The following THRB variants were observed in gnomAD, a reference collection of about 807,000 sequenced individuals.
The protein encoded by THRB is nuclear receptor subfamily 1 group A member 2.
THRB carries 12 observed loss-of-function variants against 47.8 expected under a neutral mutation model. The observed-to-expected ratio is 0.25, with a 90% CI of 0.16 to 0.41. THRB has a LOEUF of 0.41. Among genes scored for constraint, THRB ranks in the 10% least tolerant of loss-of-function variants. The probability of loss-of-function intolerance (pLI) is 1.00; values close to 1 mark genes in which losing one functional copy is unlikely to be tolerated. For missense variants in THRB, 348 were observed against 589.2 expected (o/e 0.59, Z 4.24); for synonymous variants, 218 against 212.2 (o/e 1.03, Z -0.24).
At chr3:24,357,490 T>C (rs1327984828) in intron 1 of THRB, among the ~76,000 whole-genome samples, 1 of 150,816 alleles carries the variant, frequency 6.6e-6, no homozygotes, top group African/African-American at 2.4e-5. Flanking sequence ...GAAAAATGAG[T>C]CTCCATAGAG....
intron 1 of THRB, among the ~76,000 whole-genome samples, chr3:24,375,458 CAT>C (rs1210361962): frequency 1.2e-4 from 17 of 140,230 alleles, no homozygotes; most frequent in East Asian, 2.0e-4. Flanking sequence ...TATAGTTAGA[CAT>C]ATAATATTAA....
At chr3:24,416,388 G>A (rs557752405) in intron 1 of THRB, among the ~76,000 whole-genome samples, 4 of 151,948 alleles carry the variant, frequency 2.6e-5, no homozygotes, top group African/African-American at 9.6e-5. Flanking sequence ...AGGGCTCCAA[G>A]TGACTCCTAA....
At chr3:24,393,149 C>T (rs2066704136) in intron 1 of THRB, among the ~76,000 whole-genome samples, 1 of 152,068 alleles carries the variant, frequency 6.6e-6, no homozygotes. Flanking sequence ...ATACATTGTC[C>T]TTGGAAGGAA....
At chr3:24,249,527 T>C (rs1298223386) in intron 3 of THRB, among the ~76,000 whole-genome samples, 1 of 152,194 alleles carries the variant, frequency 6.6e-6, no homozygotes, top group African/African-American at 2.4e-5. Context: ...TGGATCACTC[T>C]GGCAAGGGCT....
At chr3:24,259,837 A>G (rs1018597720) in intron 3 of THRB, among the ~76,000 whole-genome samples, 2 of 152,064 alleles carry the variant, frequency 1.3e-5, no homozygotes, top group Non-Finnish European at 2.9e-5. Context: ...GTTTTCATCT[A>G]TACAAATAGA....
At chr3:24,284,587 T>G (rs1313513960) in intron 3 of THRB, among the ~76,000 whole-genome samples, 1 of 150,670 alleles carries the variant, frequency 6.6e-6, no homozygotes, top group Non-Finnish European at 1.5e-5. Flanking sequence ...AAATGGGATC[T>G]AATTAAACTA....
intron 1 of THRB, among the ~76,000 whole-genome samples, chr3:24,373,721 T>C (rs755915887): frequency 1.3e-5 from 2 of 152,154 alleles, no homozygotes; most frequent in South Asian, 2.1e-4. Flanking sequence ...TCCGTACTTC[T>C]ATACTTGAGT....
rs115755464 is a variant in THRB at position 24,351,843 on chromosome 3, T to C, written c.-260-14472A>G. 8.0e-3 allele frequency among the ~76,000 whole-genome samples: 1,225 copies of C among 152,290 alleles called. 18 individuals are homozygous for C. Among genetic ancestry groups the C allele is most frequent in the African/African-American group, 0.028 (1,163 of 41,574 alleles). On this transcript the variant is annotated intron_variant, in intron 1 of 10. Coordinates refer to ENST00000646209, the MANE Select transcript of THRB (RefSeq NM_001354712.2). ...AGAGCAGATGGTGACCGGGACTAAG[T>C]GCCTGGAGCTCACCTCTAACCTTAC...
At position 24,283,355 on chromosome 3, in the gene THRB, C is replaced by A. The variant is rs2054846467; in HGVS notation, c.-43+13871G>T. Among the ~76,000 whole-genome samples the A allele has an allele frequency of 1.3e-5, 2 of 152,022 alleles. 1 individual carries two copies. Among genetic ancestry groups the A allele is most frequent in the South Asian group, 4.1e-4 (2 of 4,826 alleles). On this transcript the variant is annotated intron_variant, in intron 3 of 10. Coordinates refer to ENST00000646209, the MANE Select transcript of THRB (RefSeq NM_001354712.2). ...AACCACGTGATTATCTCAATAGATG[C>A]AGAAAAGGCCTTTGACAAAATTCAA...
chr3:24,314,828 G>C (rs1430644054), intron 2 of THRB, among the ~76,000 whole-genome samples: 2 of 152,142 alleles, frequency 1.3e-5, no homozygotes, highest in African/African-American at 4.8e-5. Context: ...TCTCTCAAAG[G>C]ATGGCACTAG....
intron 3 of THRB, among the ~76,000 whole-genome samples, chr3:24,265,154 G>T (rs2052520919): frequency 1.3e-5 from 2 of 152,128 alleles, no homozygotes; most frequent in Admixed American, 6.5e-5. Flanking sequence ...ATTGGACATG[G>T]TCTTGGTCTA....
chr3:24,393,115 A>C (rs188017226), intron 1 of THRB, among the ~76,000 whole-genome samples: 224 of 152,290 alleles, frequency 1.5e-3, no homozygotes, highest in Non-Finnish European at 2.4e-3. Context: ...AATACAAATA[A>C]CACAGATGTC....
chr3:24,382,224 G>A (rs1379198820), intron 1 of THRB, among the ~76,000 whole-genome samples: 1 of 152,012 alleles, frequency 6.6e-6, no homozygotes, highest in East Asian at 1.9e-4. Context: ...CACTTTTGGA[G>A]AACTGATAAA....
At chr3:24,411,606 G>C (rs775553467) in intron 1 of THRB, among the ~76,000 whole-genome samples, 1 of 151,556 alleles carries the variant, frequency 6.6e-6, no homozygotes, top group African/African-American at 2.4e-5. Flanking sequence ...AATTTATTAC[G>C]CTACATGCTG....
chr3:24,165,589 T>C, intron 5 of THRB: 1 of 471,954 alleles, frequency 2.1e-6, no homozygotes, highest in Non-Finnish European at 3.7e-6. Flanking sequence ...TCTTTTGAGC[T>C]CTTCTGCCAT....
At chr3:24,198,225 G>A (rs2044181856) in intron 4 of THRB, among the ~76,000 whole-genome samples, 1 of 152,186 alleles carries the variant, frequency 6.6e-6, no homozygotes, top group Non-Finnish European at 1.5e-5. Context: ...GGACAAGGGA[G>A]GAGAGACATC....
chr3:24,129,911 G>A (rs1160545552), intron 9 of THRB, among the ~76,000 whole-genome samples: 4 of 152,202 alleles, frequency 2.6e-5, no homozygotes, highest in African/African-American at 9.6e-5. Flanking sequence ...GTGGGTTGGC[G>A]TGGATCTTAG....
intron 5 of THRB, among the ~76,000 whole-genome samples, chr3:24,179,912 G>T (rs1410584798): frequency 1.3e-5 from 2 of 152,068 alleles, no homozygotes; most frequent in Non-Finnish European, 2.9e-5. Flanking sequence ...CGCTTCAAAG[G>T]AAATTTAAGA....
At chr3:24,252,747 T>C (rs548143068) in intron 3 of THRB, among the ~76,000 whole-genome samples, 1 of 151,916 alleles carries the variant, frequency 6.6e-6, no homozygotes, top group South Asian at 2.1e-4. Flanking sequence ...TAAGAGAACA[T>C]TTATAGAATA....
Sources: gnomAD v4.1 joint callset for allele counts (sites outside exome capture counted in the v4.1 genomes callset) on GRCh38, gnomAD v4.1.1 for gene constraint, MANE v1.5 for transcripts, NCBI Gene and HGNC (gene_info 2026-07-23, HGNC 2026-07-21) for gene names.